The following ANKRD36 variants were observed in gnomAD, a reference collection of about 807,000 sequenced individuals.
ANKRD36 encodes ankyrin repeat domain 36, also known as ankyrin repeat domain-containing protein 36A.
ANKRD36 carries 179 observed loss-of-function variants against 278.1 expected under a neutral mutation model. The observed-to-expected ratio is 0.64, with a 90% CI of 0.57 to 0.73. The LOEUF (loss-of-function observed/expected upper bound fraction) is 0.73. Among genes scored for constraint, ANKRD36 ranks in the 30% least tolerant of loss-of-function variants. The pLI is 0.00. For synonymous variants in ANKRD36, 320 were observed against 641.1 expected (o/e 0.50, Z 7.57); for missense variants, 1,159 against 1,956.7 (o/e 0.59, Z 7.69).
chr2:97,125,822 AGTTT>A (rs1220385108), intron 5 of ANKRD36, among the ~76,000 whole-genome samples: 1 of 151,988 alleles, frequency 6.6e-6, no homozygotes, highest in Non-Finnish European at 1.5e-5. Context: ...CTGAGTCTCA[AGTTT>A]GTTAGTTAGA....
In ANKRD36 at chr2:97,190,984, C is replaced by T. The variant is rs1253151500; in HGVS notation, c.2252C>T (p.Ser751Phe). 1 of 1,604,604 alleles carries T rather than the reference C, an allele frequency of 6.2e-7. No individual in the cohort carries two copies. The highest frequency in any genetic ancestry group is 8.5e-7 in the Non-Finnish European group (1 of 1,175,458). ...ATCCCTTTTTGCTTTTCAGTGTCTT[C>T]TCAGAAACAACCAGCCTTGAAGGTA... is the stretch of plus-strand genomic sequence containing the variant. ...KDGEKSGTVS[S>F]QKQPALKATT... Residue 751 changes from serine to phenylalanine, a missense_variant, in exon 35 of 76, where the codon TCT (serine) becomes TTT (phenylalanine). Coordinates refer to ENST00000420699, the MANE Select transcript of ANKRD36 (RefSeq NM_001354587.1).
chr2:97,158,904 A>G (rs1410712357), intron 17 of ANKRD36, among the ~76,000 whole-genome samples: 1 of 152,102 alleles, frequency 6.6e-6, no homozygotes, highest in East Asian at 1.9e-4. Flanking sequence ...AAATGTATGC[A>G]TGGGACTAGG....
intron 67 of ANKRD36, among the ~76,000 whole-genome samples, chr2:97,232,758 A>G (rs558039345): frequency 7.5e-4 from 113 of 150,384 alleles, no homozygotes; most frequent in African/African-American, 2.7e-3. Context: ...AACGACAACA[A>G]ACCAGATACT....
intron 11 of ANKRD36, among the ~76,000 whole-genome samples, chr2:97,148,944 C>T (rs4114682): frequency 1.8e-3 from 278 of 152,042 alleles, no homozygotes; most frequent in African/African-American, 4.0e-3. Context: ...CAGATATCAA[C>T]TGGATTTTCA....
At chr2:97,212,632 A>T (rs2064967404) in intron 58 of ANKRD36, 3 of 153,554 alleles carry the variant, frequency 2.0e-5, no homozygotes, top group African/African-American at 7.2e-5. Context: ...CCTTTCAATG[A>T]ATATTTGATT....
chr2:97,225,026 C>G, intron 67 of ANKRD36, 147 bp downstream of exon 67: 1 of 845,920 alleles, frequency 1.2e-6, no homozygotes, highest in South Asian at 2.6e-5. Flanking sequence ...AAACATTTAA[C>G]TAGTTATAAA....
At chr2:97,181,307 T>C (rs2056134592) in intron 24 of ANKRD36, among the ~76,000 whole-genome samples, 1 of 151,536 alleles carries the variant, frequency 6.6e-6, no homozygotes, top group Admixed American at 6.6e-5. Context: ...CTCTGATTTG[T>C]CCTCATCACT....
intron 27 of ANKRD36, 40 bp from the exon 28 acceptor site, chr2:97,183,542 T>C (rs1474078346): frequency 1.9e-6 from 3 of 1,550,994 alleles, no homozygotes; most frequent in Non-Finnish European, 2.6e-6. Flanking sequence ...CTATGAAATA[T>C]GTATTATATA....
At chr2:97,228,835 T>C (rs1576399756) in intron 67 of ANKRD36, among the ~76,000 whole-genome samples, 1 of 152,016 alleles carries the variant, frequency 6.6e-6, no homozygotes, top group East Asian at 2.0e-4. Context: ...TGGTATGTTG[T>C]GTCTTTGTTC....
chr2:97,184,827 C>T (rs1438655073), intron 28 of ANKRD36, among the ~76,000 whole-genome samples: 1 of 151,734 alleles, frequency 6.6e-6, no homozygotes. Flanking sequence ...ACTTAAGAGA[C>T]GTGAAGTGTA....
chr2:97,180,504 AAAG>A (rs2055854584), intron 24 of ANKRD36, among the ~76,000 whole-genome samples: 3 of 151,758 alleles, frequency 2.0e-5, no homozygotes, highest in South Asian at 4.2e-4. Context: ...TATTTGCATA[AAAG>A]AAGATTTGAT....
chr2:97,131,817 G>T (rs1390847132), intron 6 of ANKRD36, among the ~76,000 whole-genome samples: 3 of 151,792 alleles, frequency 2.0e-5, no homozygotes, highest in Admixed American at 1.3e-4. Context: ...ATTATTTTAT[G>T]TATGTTTTTA....
In ANKRD36 at chr2:97,208,084, G is replaced by C; in HGVS notation, c.3265+78G>C. 3.0e-6 allele frequency: 4 copies of C among 1,349,714 alleles called. No individual in the cohort carries two copies. The South Asian group carries it at 5.3e-5, about 18-fold the overall frequency. 83.6% of individuals were successfully genotyped at this position (1,349,714 alleles called of 1,614,324 possible). On this transcript the variant is annotated intron_variant, in intron 54 of 75. Transcript: ENST00000420699. ...TCTCTTCCCTGAATAAATCAGCGGG[G>C]GGCTCGTTGAAGCTGCACATTCTGA...
At chr2:97,164,160 C>G (rs888382960) in intron 18 of ANKRD36, 123 bp from the exon 19 acceptor site, 60 of 1,489,044 alleles carry the variant, frequency 4.0e-5, no homozygotes, top group Admixed American at 1.4e-4. Context: ...CAACCCAAAG[C>G]CTAATGGGTA....
Position 97,222,386 on chromosome 2 carries a change from T to A in ANKRD36, c.3878-2420T>A, listed in dbSNP as rs555978173. Among the ~76,000 whole-genome samples, 16 of 152,212 alleles carry A rather than the reference T, an allele frequency of 1.1e-4. No homozygotes were observed. The South Asian group carries it at 3.3e-3, about 32-fold the overall frequency. ...ATCATGTGGGTAGCTGTATTTTTAA[T>A]TTTTTGAGGACTCTATAGTGTTCTC... On this transcript the variant is annotated intron_variant, in intron 66 of 75. Coordinates refer to ENST00000420699, the MANE Select transcript of ANKRD36 (RefSeq NM_001354587.1).
At position 97,123,957 on chromosome 2, in the gene ANKRD36, T is replaced by A. The variant is rs866503373; in HGVS notation, c.594-503T>A. Among the ~76,000 whole-genome samples, 367 of 141,798 alleles carry A rather than the reference T, an allele frequency of 2.6e-3. 5 individuals are homozygous for A. Among genetic ancestry groups the A allele is most frequent in the African/African-American group, 9.0e-3 (352 of 39,152 alleles). The allele number at this position is 141,798 out of a possible 152,430, so 93.0% of individuals were successfully genotyped here. A position where few individuals can be genotyped will look rare whatever the true frequency, so the allele number is the denominator to read the frequency against. ...AAGGATATATTATTATCCTCCATAT[T>A]TATATATATATATATATAGTGTTTA... On this transcript the variant is annotated intron_variant, in intron 4 of 75. Coordinates refer to ENST00000420699, the MANE Select transcript of ANKRD36 (RefSeq NM_001354587.1).
intron 15 of ANKRD36, among the ~76,000 whole-genome samples, chr2:97,156,890 CTGACTTTTTAA>C (rs1460725703): frequency 2.0e-5 from 3 of 151,620 alleles, no homozygotes; most frequent in Non-Finnish European, 4.4e-5. Flanking sequence ...CTGTTGTTTC[CTGACTTTTTAA>C]TGATCACCAT....
At position 97,158,602 on chromosome 2, in the gene ANKRD36, G is replaced by A. The variant is rs1356614294; in HGVS notation, c.1336G>A (p.Gly446Ser). The A allele has an allele frequency of 2.6e-6, 4 of 1,536,146 alleles. No individual in the cohort carries two copies. The South Asian group carries it at 4.8e-5, about 18-fold the overall frequency. ...QSAENLDAAC[G>S]IDKTENGNMF... is the part of the protein sequence containing the mutation. ...TTTTACTGTAGTAGATGCTGCATGT[G>A]GCATTGACAAAACAGAAAATGGAAA... Residue 446 changes from glycine to serine, a missense_variant, in exon 17 of 76, where the codon GGC becomes AGC. Physicochemically the swap from Gly to Ser is moderately conservative, Grantham distance 56. Coordinates refer to ENST00000420699, the MANE Select transcript of ANKRD36 (RefSeq NM_001354587.1).
chr2:97,173,674 A>G (rs559486645), intron 22 of ANKRD36, among the ~76,000 whole-genome samples: 3 of 151,932 alleles, frequency 2.0e-5, no homozygotes, highest in East Asian at 1.9e-4. Flanking sequence ...GTGTATGTCA[A>G]ATTGGGCAGG....
Sources: gnomAD v4.1 joint callset for allele counts (sites outside exome capture counted in the v4.1 genomes callset) on GRCh38, gnomAD v4.1.1 for gene constraint, MANE v1.5 for transcripts, NCBI Gene and HGNC (gene_info 2026-07-23, HGNC 2026-07-21) for gene names.